Variants in LRP2 observed in about 807,000 individuals in gnomAD.
LRP2 encodes the protein LDL receptor related protein 2.
A neutral mutation model predicts 531.0 loss-of-function variants in LRP2; 172 were observed. The observed-to-expected ratio is 0.32, with a 90% CI of 0.29 to 0.37. LRP2 has a LOEUF of 0.37. Ranked by LOEUF, LRP2 falls within the 10% of genes least tolerant of loss-of-function variation. The pLI, the probability that LRP2 is intolerant of heterozygous loss-of-function variation, is 1.00. For missense variants in LRP2, 5,167 were observed against 5,868.3 expected (o/e 0.88, Z 3.90); for synonymous variants, 1,992 against 2,027.6 (o/e 0.98, Z 0.47).
intron 23 of LRP2, 22 bp downstream of exon 23, chr2:169,243,381 A>C: frequency 2.5e-6 from 4 of 1,613,822 alleles, no homozygotes; most frequent in Non-Finnish European, 3.4e-6. Context: ...ATTGTGAATA[A>C]AAAAGAAGGC....
Position 169,182,326 on chromosome 2 carries a change from T to C in LRP2, c.9846-7A>G. On this transcript the variant is annotated splice_polypyrimidine_tract_variant and splice_region_variant and intron_variant, in intron 50 of 78. Transcript: ENST00000649046. ...ATCCAACCAGTAGAGCTTTCTAAAA[T>C]GGAGAGCCAGGAGTTAACCAATACA... The C allele has an allele frequency of 6.2e-7, 1 of 1,613,254 alleles. No individual in the cohort carries two copies. Among genetic ancestry groups the C allele is most frequent in the East Asian group, 2.2e-5 (1 of 44,892 alleles).
chr2:169,290,214 A>G (rs542598906), intron 8 of LRP2, among the ~76,000 whole-genome samples: 2 of 141,980 alleles, frequency 1.4e-5, no homozygotes, highest in Admixed American at 7.2e-5. Flanking sequence ...TGGCCAACTC[A>G]GTTTTGCCAT....
At chr2:169,266,995 C>T (rs867161207) in intron 16 of LRP2, among the ~76,000 whole-genome samples, 22 of 149,824 alleles carry the variant, frequency 1.5e-4, no homozygotes, top group Middle Eastern at 3.5e-3. Context: ...TCAAACAATC[C>T]TTCCATTGCA....
At chr2:169,342,842 A>C (rs1259242184) in intron 1 of LRP2, among the ~76,000 whole-genome samples, 3 of 152,268 alleles carry the variant, frequency 2.0e-5, no homozygotes, top group African/African-American at 7.2e-5. Flanking sequence ...TTTTAACTGT[A>C]ATTATTAACC....
chr2:169,172,892 A>T (rs966394408), intron 57 of LRP2, among the ~76,000 whole-genome samples: 1 of 152,254 alleles, frequency 6.6e-6, no homozygotes, highest in Non-Finnish European at 1.5e-5. Context: ...GCATGACTTA[A>T]AGTGCTACAA....
chr2:169,237,005 G>A (rs1254333415), intron 28 of LRP2, 98 bp downstream of exon 28: 8 of 1,001,942 alleles, frequency 8.0e-6, no homozygotes, highest in Non-Finnish European at 1.1e-5. Context: ...TTTAAATTTT[G>A]CATATCAGCA....
At chr2:169,279,139 A>T (rs1193811927) in intron 12 of LRP2, among the ~76,000 whole-genome samples, 1 of 152,190 alleles carries the variant, frequency 6.6e-6, no homozygotes, top group Non-Finnish European at 1.5e-5. Flanking sequence ...AACAACAAGT[A>T]TTTTTAGTAC....
At chr2:169,181,691 CCATT>C in intron 51 of LRP2, 73 bp from the exon 52 acceptor site, 6 of 1,360,294 alleles carry the variant, frequency 4.4e-6, no homozygotes, top group Non-Finnish European at 6.3e-6. Flanking sequence ...CACCTTTTCT[CCATT>C]TAGAGAAATG....
At chr2:169,289,313 A>G (rs575944860) in intron 8 of LRP2, among the ~76,000 whole-genome samples, 168 bp from the exon 9 acceptor site, 9 of 152,338 alleles carry the variant, frequency 5.9e-5, no homozygotes, top group Admixed American at 2.6e-4. Context: ...TAAAAGTTCA[A>G]CTGAGACAGG....
In LRP2 at chr2:169,128,578, A is replaced by T; in HGVS notation, c.*85T>A. 1 of 1,331,870 alleles carries T rather than the reference A, an allele frequency of 7.5e-7. No homozygotes were observed. Among genetic ancestry groups the T allele is most frequent in the Non-Finnish European group, 1.1e-6 (1 of 926,062 alleles). 82.5% of individuals were successfully genotyped at this position (1,331,870 alleles called of 1,614,324 possible). A position where few individuals can be genotyped will look rare whatever the true frequency, so the allele number is the denominator to read the frequency against. On this transcript the variant is annotated 3_prime_UTR_variant, in exon 79 of 79. Coordinates refer to ENST00000649046, the MANE Select transcript of LRP2 (RefSeq NM_004525.3). ...GAAAAATATATTTTTTTCATAAAGT[A>T]CTGAATGTTAACTTTTTTCATCTGT... is the stretch of plus-strand genomic sequence containing the variant.
At chr2:169,159,104 C>T (rs377633828) in intron 63 of LRP2, among the ~76,000 whole-genome samples, 2 of 152,088 alleles carry the variant, frequency 1.3e-5, no homozygotes, top group East Asian at 1.9e-4. Flanking sequence ...GAAAAACTGG[C>T]GAAGATGAAC....
chr2:169,185,041 G>A lies in LRP2; in HGVS notation c.9845+462C>T, dbSNP rs546216467. Among the ~76,000 whole-genome samples, 63 of 152,222 alleles carry A rather than the reference G, an allele frequency of 4.1e-4. 1 individual carries two copies. Among genetic ancestry groups the A allele is most frequent in the African/African-American group, 1.3e-3 (52 of 41,544 alleles). On this transcript the variant is annotated intron_variant, in intron 50 of 78. Transcript: ENST00000649046. Reference sequence around the variant, plus strand: ...CTCCCAAAGTTCTGAGATTACAGGCGTGAGCCACTGCCCCCGGCCAATGAC... The same window carrying A: ...CTCCCAAAGTTCTGAGATTACAGGCATGAGCCACTGCCCCCGGCCAATGAC...
Position 169,127,646 on chromosome 2 carries a change from T to TAAG in LRP2, c.*1014_*1016dup, listed in dbSNP as rs1685144764. 1 of 151,754 alleles carries TAAG rather than the reference T, an allele frequency of 6.6e-6. No individual in the cohort carries two copies. The highest frequency in any genetic ancestry group is 1.5e-5 in the Non-Finnish European group (1 of 67,902). 9.4% of individuals were successfully genotyped at this position (151,754 alleles called of 1,614,324 possible). On this transcript the variant is annotated 3_prime_UTR_variant, in exon 79 of 79. Transcript: ENST00000649046. ...CCACAGGGCCTAATAAAAAGCTTAATAAGAATGGTTTCCCTTTCTATTCAG... is the reference window on the plus strand; with the variant it reads ...CCACAGGGCCTAATAAAAAGCTTAATAAGAAGAATGGTTTCCCTTTCTATTCAG...
chr2:169,254,358 T>C (rs1385639062), intron 19 of LRP2, among the ~76,000 whole-genome samples: 2 of 81,444 alleles, frequency 2.5e-5, no homozygotes, highest in African/African-American at 1.3e-4. Flanking sequence ...ATGGATGAAA[T>C]TGGAAACCAT....
intron 1 of LRP2, among the ~76,000 whole-genome samples, chr2:169,332,101 T>C (rs1476328182): frequency 1.3e-5 from 2 of 152,210 alleles, no homozygotes; most frequent in Non-Finnish European, 1.5e-5. Context: ...TTCATTTTGG[T>C]CATCTTAATA....
At position 169,316,793 on chromosome 2, in the gene LRP2, C is replaced by A. The variant is rs539244643; in HGVS notation, c.310+1969G>T. Among the ~76,000 whole-genome samples, 11 of 152,114 alleles carry A rather than the reference C, an allele frequency of 7.2e-5. No homozygotes were observed. In the South Asian group the frequency reaches 2.3e-3, roughly 32 times the overall value. On this transcript the variant is annotated intron_variant, in intron 3 of 78. Coordinates refer to ENST00000649046, the MANE Select transcript of LRP2 (RefSeq NM_004525.3). Reference sequence around the variant, plus strand: ...CCAGAATGAGAAAAGCTGCTCAGGGCAGGGCTCTGAGCAACACCAATACTC... The same window carrying A: ...CCAGAATGAGAAAAGCTGCTCAGGGAAGGGCTCTGAGCAACACCAATACTC...
In LRP2 at chr2:169,177,849, G is replaced by A. The variant is rs2105288573; in HGVS notation, c.10347C>T (p.His3449=). 3.7e-6 allele frequency: 6 copies of A among 1,614,236 alleles called. No individual in the cohort carries two copies. In the South Asian group the frequency reaches 6.6e-5, roughly 18 times the overall value. Residue 3449 remains histidine, a synonymous_variant, in exon 53 of 79, where the codon CAC becomes CAT. Transcript: ENST00000649046. ...GGTACACATGGATGTCAAATGGTCT[G>A]TGTGTTGTGTTCACCAGTGTCTGTC... ...SNRQTLVNTT[H]RPFDIHVYHP... is the part of the protein sequence containing the mutation.
At chr2:169,277,193 CAA>C (rs5836227) in intron 13 of LRP2, among the ~76,000 whole-genome samples, 713 of 88,120 alleles carry the variant, frequency 8.1e-3, no homozygotes, top group African/African-American at 0.024. Flanking sequence ...GACTCCATCT[CAA>C]AAAAAAAAAA....
In LRP2 at chr2:169,172,071, C is replaced by T. The variant is rs752156045; in HGVS notation, c.11207G>A (p.Arg3736His). Residue 3736 changes from arginine to histidine, a missense_variant, in exon 58 of 79, where the codon CGT (arginine) becomes CAT (histidine). Arg to His is a conservative substitution (Grantham distance 29). Coordinates refer to ENST00000649046, the MANE Select transcript of LRP2 (RefSeq NM_004525.3). ...GTCATTTTGCCCATCACACTGCCAACGAAGAGGGATGCAGTGGTGATTTTT... is the reference window on the plus strand; with the variant it reads ...GTCATTTTGCCCATCACACTGCCAATGAAGAGGGATGCAGTGGTGATTTTT... ...RCKNHHCIPL[R>H]WQCDGQNDCG... The T allele has an allele frequency of 3.3e-5, 54 of 1,614,092 alleles. No individual in the cohort carries two copies. The highest frequency in any genetic ancestry group is 1.8e-4 in the Admixed American group (11 of 60,002).
Sources: allele counts gnomAD v4.1 joint callset (sites outside exome capture counted in the v4.1 genomes callset), GRCh38; gene constraint gnomAD v4.1.1; transcripts MANE v1.5; gene names NCBI Gene and HGNC (gene_info 2026-07-23, HGNC 2026-07-21).